GRIK4: variants seen among roughly 807,000 people sequenced by gnomAD.
The protein encoded by GRIK4 is glutamate ionotropic receptor kainate type subunit 4.
In GRIK4, 40 loss-of-function variants were observed where a neutral mutation model predicts 104.9. That is an observed-to-expected ratio of 0.38 (90% CI 0.30 to 0.50). The LOEUF (loss-of-function observed/expected upper bound fraction) is 0.50, where lower values mean the gene tolerates loss of function less well. GRIK4 is among the 20% of genes least tolerant of loss of function. The probability of loss-of-function intolerance (pLI) is 0.93; values close to 1 mark genes in which losing one functional copy is unlikely to be tolerated. For missense variants in GRIK4, 1,047 were observed against 1,308.1 expected (o/e 0.80, Z 3.08); for synonymous variants, 485 against 524.9 (o/e 0.92, Z 1.04).
At chr11:120,958,033 G>A (rs139706947) in intron 16 of GRIK4, among the ~76,000 whole-genome samples, 171 of 152,350 alleles carry the variant, frequency 1.1e-3, no homozygotes, top group African/African-American at 3.8e-3. Flanking sequence ...CAGGAAGAGG[G>A]ATGGACGATC....
chr11:120,966,342 G>C (rs1944383494), intron 18 of GRIK4, among the ~76,000 whole-genome samples: 1 of 152,134 alleles, frequency 6.6e-6, no homozygotes, highest in Non-Finnish European at 1.5e-5. Flanking sequence ...GTGTAATGTA[G>C]TGAGAGTTAC....
intron 9 of GRIK4, among the ~76,000 whole-genome samples, chr11:120,865,752 T>A (rs1954391336): frequency 6.6e-6 from 1 of 152,240 alleles, no homozygotes; most frequent in South Asian, 2.1e-4. Context: ...AATACCCGAA[T>A]ACAGAGTGTG....
intron 14 of GRIK4, among the ~76,000 whole-genome samples, chr11:120,946,235 A>G (rs1261103076): frequency 6.6e-6 from 1 of 152,184 alleles, no homozygotes; most frequent in Non-Finnish European, 1.5e-5. Context: ...GCTCAGATTA[A>G]TATTAAAGTG....
chr11:120,938,682 C>G (rs943690048), intron 13 of GRIK4, among the ~76,000 whole-genome samples: 4 of 152,208 alleles, frequency 2.6e-5, no homozygotes, highest in African/African-American at 9.7e-5. Flanking sequence ...GATTGTTGGA[C>G]CACACTTCAC....
At chr11:120,711,678 C>T (rs188524548) in intron 3 of GRIK4, among the ~76,000 whole-genome samples, 4 of 152,280 alleles carry the variant, frequency 2.6e-5, no homozygotes, top group Admixed American at 2.6e-4. Flanking sequence ...TAATGTTTTC[C>T]AGAAAAGAAC....
intron 1 of GRIK4, among the ~76,000 whole-genome samples, chr11:120,527,088 G>T (rs7104208): frequency 6.6e-6 from 1 of 152,226 alleles, no homozygotes. Context: ...CAGCCAGCCC[G>T]TGGCAGAGGG....
intron 3 of GRIK4, among the ~76,000 whole-genome samples, chr11:120,740,465 C>G (rs550427001): frequency 2.6e-5 from 4 of 152,294 alleles, no homozygotes; most frequent in Non-Finnish European, 4.4e-5. Context: ...CCCACATTAC[C>G]CAGAGCTGTC....
chr11:120,839,505 G>T (rs548460747), intron 8 of GRIK4, among the ~76,000 whole-genome samples: 3 of 152,192 alleles, frequency 2.0e-5, no homozygotes, highest in African/African-American at 7.2e-5. Flanking sequence ...CTCACAATAC[G>T]AGTTTATTTA....
At chr11:120,515,949 G>A (rs1947720009) in intron 1 of GRIK4, among the ~76,000 whole-genome samples, 1 of 152,206 alleles carries the variant, frequency 6.6e-6, no homozygotes, top group Admixed American at 6.5e-5. Flanking sequence ...CTTTTCCACA[G>A]ATGAGGAAGG....
chr11:120,632,206 T>C (rs906800686), intron 1 of GRIK4, among the ~76,000 whole-genome samples: 42 of 152,048 alleles, frequency 2.8e-4, no homozygotes, highest in African/African-American at 9.9e-4. Context: ...CTTTCCACCA[T>C]GTGAAGATAC....
intron 1 of GRIK4, among the ~76,000 whole-genome samples, chr11:120,583,597 G>T (rs1049723350): frequency 6.6e-6 from 1 of 152,020 alleles, no homozygotes; most frequent in Admixed American, 6.6e-5. Flanking sequence ...CCAGTACCAT[G>T]CTGTTTTGTT....
At chr11:120,949,822 G>A (rs934103871) in intron 14 of GRIK4, among the ~76,000 whole-genome samples, 1 of 152,178 alleles carries the variant, frequency 6.6e-6, no homozygotes, top group Admixed American at 6.5e-5. Context: ...ATTTGAGCGA[G>A]GCACTTAACC....
chr11:120,590,173 CT>C (rs1475648878), intron 1 of GRIK4, among the ~76,000 whole-genome samples: 1 of 152,174 alleles, frequency 6.6e-6, no homozygotes, highest in Non-Finnish European at 1.5e-5. Context: ...CACCTTACCC[CT>C]GACCCTGCAC....
intron 13 of GRIK4, among the ~76,000 whole-genome samples, chr11:120,930,472 T>G (rs540574124): frequency 6.6e-6 from 1 of 152,274 alleles, no homozygotes; most frequent in Non-Finnish European, 1.5e-5. Flanking sequence ...TTATCCCTAC[T>G]TTACTGATGA....
chr11:120,768,378 C>T (rs11600755), intron 3 of GRIK4, among the ~76,000 whole-genome samples: 32,330 of 151,744 alleles, frequency 0.21, 4,691 homozygotes, highest in African/African-American at 0.41. Flanking sequence ...ATAGAAATGC[C>T]GCTGATTTTT....
intron 9 of GRIK4, among the ~76,000 whole-genome samples, chr11:120,866,711 T>G (rs1461281206): frequency 6.6e-6 from 1 of 152,130 alleles, no homozygotes; most frequent in Non-Finnish European, 1.5e-5. Flanking sequence ...AGCATCCATG[T>G]GGGCCTCAGG....
intron 3 of GRIK4, among the ~76,000 whole-genome samples, chr11:120,701,966 T>C (rs1231318529): frequency 6.7e-6 from 1 of 148,182 alleles, no homozygotes; most frequent in African/African-American, 2.5e-5. Flanking sequence ...TTTTTTTTTT[T>C]TTTTTTTTGA....
chr11:120,704,444 G>A (rs1057293486), intron 3 of GRIK4, among the ~76,000 whole-genome samples: 2 of 152,200 alleles, frequency 1.3e-5, no homozygotes, highest in Non-Finnish European at 2.9e-5. Context: ...GGGAACATTT[G>A]GGAGTGCCCA....
At chr11:120,771,393 A>G (rs952730380) in intron 3 of GRIK4, among the ~76,000 whole-genome samples, 5 of 152,234 alleles carry the variant, frequency 3.3e-5, no homozygotes, top group African/African-American at 1.2e-4. Context: ...TGTAATATAG[A>G]AGGTCTAACT....
Sources: gnomAD v4.1 joint callset for allele counts (sites outside exome capture counted in the v4.1 genomes callset) on GRCh38, gnomAD v4.1.1 for gene constraint, MANE v1.5 for transcripts, NCBI Gene and HGNC (gene_info 2026-07-23, HGNC 2026-07-21) for gene names.